Variants in AK4 observed in about 807,000 individuals in gnomAD.
The protein encoded by AK4 is adenylate kinase 4, also known as adenylate kinase 4, mitochondrial.
In AK4, 13 loss-of-function variants were observed where a neutral mutation model predicts 24.6. The observed-to-expected ratio is 0.53, with a 90% CI of 0.34 to 0.84. The LOEUF (loss-of-function observed/expected upper bound fraction) is 0.84, where lower values mean the gene tolerates loss of function less well. AK4 is among the 40% of genes least tolerant of loss of function. The probability of loss-of-function intolerance (pLI) is 0.01; values close to 1 mark genes in which losing one functional copy is unlikely to be tolerated. For missense variants in AK4, 192 were observed against 288.2 expected (o/e 0.67, Z 2.42); for synonymous variants, 88 against 107.0 (o/e 0.82, Z 1.10).
intron 1 of AK4, among the ~76,000 whole-genome samples, chr1:65,158,816 T>C (rs1324030128): frequency 6.6e-6 from 1 of 150,802 alleles, no homozygotes; most frequent in Non-Finnish European, 1.5e-5. Context: ...CCAAACTAGA[T>C]TTTTTTTAAA....
rs1266834992 is a variant in AK4 at position 65,178,456 on chromosome 1, C to T, written c.146-12254C>T. Among the ~76,000 whole-genome samples, 3 of 152,192 alleles carry T rather than the reference C, an allele frequency of 2.0e-5. No homozygotes were observed. The East Asian group carries it at 5.8e-4, about 29-fold the overall frequency. ...TGTGTGCATAGCCACAATGTGTTTA[C>T]TCAGCTGGGGGCCCACAGGGCTGCC... On this transcript the variant is annotated intron_variant, in intron 1 of 4. Coordinates refer to ENST00000327299, the MANE Select transcript of AK4 (RefSeq NM_013410.4).
At chr1:65,162,942 C>G (rs1444790690) in intron 1 of AK4, among the ~76,000 whole-genome samples, 1 of 152,142 alleles carries the variant, frequency 6.6e-6, no homozygotes, top group African/African-American at 2.4e-5. Flanking sequence ...CAAGGTTTAT[C>G]TATATTGTAG....
At chr1:65,181,658 G>A (rs1650912045) in intron 1 of AK4, among the ~76,000 whole-genome samples, 2 of 152,158 alleles carry the variant, frequency 1.3e-5, no homozygotes, top group Non-Finnish European at 1.5e-5. Context: ...AAAGTGCTGG[G>A]ATTACAAGTG....
intron 2 of AK4, among the ~76,000 whole-genome samples, chr1:65,191,514 C>T (rs1402392347): frequency 1.3e-5 from 2 of 150,136 alleles, no homozygotes; most frequent in Non-Finnish European, 3.0e-5. Context: ...ATAGATGGTC[C>T]TCAGATAGAT....
intron 2 of AK4, among the ~76,000 whole-genome samples, chr1:65,208,604 G>A (rs544188141): frequency 6.6e-6 from 1 of 152,304 alleles, no homozygotes; most frequent in African/African-American, 2.4e-5. Context: ...GATCTTAATG[G>A]AGGTAGGAAG....
In AK4 at chr1:65,218,780, G is replaced by C; in HGVS notation, c.292G>C (p.Glu98Gln). The C allele has an allele frequency of 1.3e-6, 2 of 1,588,848 alleles. No homozygotes were observed. Among genetic ancestry groups the C allele is most frequent in the Non-Finnish European group, 1.7e-6 (2 of 1,170,038 alleles). ...TTTTCCTAGGACATTAGGACAAGCC[G>C]AAGCCCTGGACAAAATCTGTGAAGT... ...DGFPRTLGQA[E>Q]ALDKICEVDL... Residue 98 changes from glutamate (E) to glutamine (Q), a missense_variant, in exon 3 of 5, where the codon GAA (glutamate) becomes CAA (glutamine). Glu to Gln is a conservative substitution (Grantham distance 29). Transcript: ENST00000327299.
intron 1 of AK4, among the ~76,000 whole-genome samples, chr1:65,162,323 G>T (rs1365897637): frequency 6.6e-6 from 1 of 152,142 alleles, no homozygotes; most frequent in Non-Finnish European, 1.5e-5. Flanking sequence ...AAGTGGAGAG[G>T]ATGCGGGAGG....
At chr1:65,207,895 A>G (rs1651859587) in intron 2 of AK4, among the ~76,000 whole-genome samples, 1 of 152,198 alleles carries the variant, frequency 6.6e-6, no homozygotes, top group Admixed American at 6.5e-5. Flanking sequence ...ACGGCTGCAT[A>G]GTATTCCATG....
intron 1 of AK4, among the ~76,000 whole-genome samples, chr1:65,175,143 A>G (rs1159633380): frequency 6.6e-6 from 1 of 152,210 alleles, no homozygotes; most frequent in Non-Finnish European, 1.5e-5. Context: ...TACTGTTGCC[A>G]CTGGTATCGT....
rs559641624 is a variant in AK4 at position 65,172,330 on chromosome 1, G to A, written c.146-18380G>A. Among the ~76,000 whole-genome samples the A allele has an allele frequency of 3.3e-4, 50 of 151,854 alleles. No individual in the cohort carries two copies. The Middle Eastern group carries it at 0.014, about 42-fold the overall frequency. On this transcript the variant is annotated intron_variant, in intron 1 of 4. Transcript: ENST00000327299. ...AAGAAAAAAGGGAGGGGAGATTCTT[G>A]TCTCGAATATGTCACCTTCTTTGTA... is the stretch of plus-strand genomic sequence containing the variant.
intron 1 of AK4, among the ~76,000 whole-genome samples, chr1:65,162,777 A>G (rs1650210453): frequency 6.6e-6 from 1 of 152,192 alleles, no homozygotes; most frequent in Non-Finnish European, 1.5e-5. Flanking sequence ...TTCTCCAGAA[A>G]GAAACCCTAT....
chr1:65,199,559 A>C (rs1570119049), intron 2 of AK4, among the ~76,000 whole-genome samples: 1 of 151,858 alleles, frequency 6.6e-6, no homozygotes, highest in Non-Finnish European at 1.5e-5. Flanking sequence ...ACTCCATCTC[A>C]AAAAAGAAAA....
At chr1:65,182,265 G>C (rs1393883318) in intron 1 of AK4, among the ~76,000 whole-genome samples, 1 of 152,066 alleles carries the variant, frequency 6.6e-6, no homozygotes, top group Non-Finnish European at 1.5e-5. Flanking sequence ...GTGGTACCTG[G>C]TACATAGACT....
intron 1 of AK4, among the ~76,000 whole-genome samples, chr1:65,168,394 C>T (rs1051870294): frequency 6.6e-5 from 10 of 152,134 alleles, no homozygotes; most frequent in African/African-American, 2.4e-4. Context: ...GATTTACCCG[C>T]CTTGGCCTCC....
chr1:65,155,844 G>A (rs1649964803), intron 1 of AK4, among the ~76,000 whole-genome samples: 1 of 145,380 alleles, frequency 6.9e-6, no homozygotes, highest in African/African-American at 2.8e-5. Context: ...TTAATTTTTT[G>A]TATTTTTAGT....
Position 65,158,345 on chromosome 1 carries a change from G to GT in AK4, c.145+9794dup, listed in dbSNP as rs558505584. 2.7e-3 allele frequency among the ~76,000 whole-genome samples: 412 copies of GT among 152,238 alleles called. 1 individual carries two copies. The highest frequency in any genetic ancestry group is 9.4e-3 in the African/African-American group (389 of 41,556). ...AATCTACCAAGTAAATTGTTAAATG[G>GT]TATTATATTATGCTAGTCTGCTCTT... On this transcript the variant is annotated intron_variant, in intron 1 of 4. Coordinates refer to ENST00000327299, the MANE Select transcript of AK4 (RefSeq NM_013410.4).
rs1424818730 is a variant in AK4 at position 65,231,968 on chromosome 1, A to G, written c.*5791A>G. On this transcript the variant is annotated 3_prime_UTR_variant, in exon 5 of 5. Coordinates refer to ENST00000327299, the MANE Select transcript of AK4 (RefSeq NM_013410.4). ...TCAGAGTGCTTTTCCTCGGTGGGAC[A>G]GTTGCTGGCCCTCTTAATTTTGGTG... 6.6e-6 allele frequency: 1 copy of G among 152,178 alleles called. No individual in the cohort carries two copies. The highest frequency in any genetic ancestry group is 1.5e-5 in the Non-Finnish European group (1 of 68,038). The allele number at this position is 152,178 out of a possible 1,614,324, so 9.4% of individuals were successfully genotyped here.
intron 1 of AK4, among the ~76,000 whole-genome samples, chr1:65,175,397 A>G (rs1291707375): frequency 2.6e-5 from 4 of 152,196 alleles, no homozygotes; most frequent in East Asian, 3.9e-4. Context: ...AGCAGTAGCA[A>G]TCCATCCTGT....
chr1:65,181,482 C>T (rs1028399530), intron 1 of AK4, among the ~76,000 whole-genome samples: 16 of 151,730 alleles, frequency 1.1e-4, no homozygotes, highest in Non-Finnish European at 2.1e-4. Context: ...CTGCTACCTC[C>T]GCCTCCCAGG....
Sources: allele counts gnomAD v4.1 joint callset (sites outside exome capture counted in the v4.1 genomes callset), GRCh38; gene constraint gnomAD v4.1.1; transcripts MANE v1.5; gene names NCBI Gene and HGNC (gene_info 2026-07-23, HGNC 2026-07-21).